The following CDH13 variants were observed in gnomAD, a reference collection of about 807,000 sequenced individuals.
The protein encoded by CDH13 is cadherin-13.
A neutral mutation model predicts 63.8 loss-of-function variants in CDH13; 24 were observed. That is an observed-to-expected ratio of 0.38 (90% CI 0.27 to 0.53). CDH13 has a LOEUF of 0.53. CDH13 is among the 20% of genes least tolerant of loss of function. The pLI, the probability that CDH13 is intolerant of heterozygous loss-of-function variation, is 0.85. For missense variants in CDH13, 1,049 were observed against 903.1 expected, an observed-to-expected ratio of 1.16 and a Z score of -2.07; for synonymous variants, 503 against 355.3, an observed-to-expected ratio of 1.42 and a Z score of -4.67.
rs1188580603 is a variant in CDH13, at chr16:83,047,694, A to T, written c.366+15476A>T. Among the ~76,000 whole-genome samples, 1 of 152,246 alleles carries T rather than the reference A, an allele frequency of 6.6e-6. No homozygotes were observed. The highest frequency in any genetic ancestry group is 2.4e-5 in the African/African-American group (1 of 41,470). ...ACTTACAATATCTGGCTGTGAATAA[A>T]TAATTTCTTAATGACTTAGCAAATG... On this transcript the variant is annotated intron_variant, in intron 3 of 13. Coordinates refer to ENST00000567109, the MANE Select transcript of CDH13 (RefSeq NM_001257.5). The surrounding 1 kb of genome is among the most constrained non-coding windows in gnomAD (Gnocchi z 4.9).
intron 2 of CDH13, among the ~76,000 whole-genome samples, chr16:82,913,337 CA>C (rs2041891426): frequency 6.6e-6 from 1 of 152,142 alleles, no homozygotes; most frequent in Non-Finnish European, 1.5e-5. Flanking sequence ...CAGGGATGTC[CA>C]TTCCCACAGG....
At chr16:83,250,733 G>A (rs10514585) in intron 5 of CDH13, among the ~76,000 whole-genome samples, 39,439 of 152,042 alleles carry the variant, frequency 0.26, 5,252 homozygotes, top group East Asian at 0.38. Flanking sequence ...GAGTCTCAGA[G>A]GTTATGAGTT....
At chr16:83,450,302 C>T (rs893029550) in intron 6 of CDH13, among the ~76,000 whole-genome samples, 4 of 152,180 alleles carry the variant, frequency 2.6e-5, no homozygotes, top group Non-Finnish European at 5.9e-5. Context: ...GTGTGGAGTG[C>T]AGCTTGTTCT....
At chr16:83,604,575 T>C (rs1908150786) in intron 8 of CDH13, among the ~76,000 whole-genome samples, 1 of 152,218 alleles carries the variant, frequency 6.6e-6, no homozygotes, top group African/African-American at 2.4e-5. Flanking sequence ...GTATGGTCTG[T>C]GGGGTTTCTC....
chr16:83,545,788 T>C lies in CDH13; in HGVS notation c.961-56666T>C, dbSNP rs138896997. On this transcript the variant is annotated intron_variant, in intron 7 of 13. Coordinates refer to ENST00000567109, the MANE Select transcript of CDH13 (RefSeq NM_001257.5). ...TATCTGCCAGGCTAAGTCCAACTCC[T>C]ACTTCAAGACCGCATTCAAATAATG... Among the ~76,000 whole-genome samples, 484 of 152,310 alleles carry C rather than the reference T, an allele frequency of 3.2e-3. 7 individuals carry two copies. The highest frequency in any genetic ancestry group is 0.011 in the African/African-American group (451 of 41,576).
intron 5 of CDH13, among the ~76,000 whole-genome samples, chr16:83,339,791 TC>T (rs2090682007): frequency 6.6e-6 from 1 of 152,168 alleles, no homozygotes; most frequent in African/African-American, 2.4e-5. Flanking sequence ...AGCCAAGCTT[TC>T]CACCGTGTGA....
chr16:83,082,303 C>T (rs1337233635), intron 3 of CDH13, among the ~76,000 whole-genome samples: 1 of 152,134 alleles, frequency 6.6e-6, no homozygotes, highest in African/African-American at 2.4e-5. Flanking sequence ...GTTCCAGCAT[C>T]AATTGTCAAA....
chr16:82,994,518 C>T (rs998318345), intron 2 of CDH13, among the ~76,000 whole-genome samples: 2 of 152,218 alleles, frequency 1.3e-5, no homozygotes, highest in Non-Finnish European at 2.9e-5. Flanking sequence ...AACCTTTACT[C>T]AGCTAATGGC....
chr16:82,892,850 G>T (rs1333868556), intron 2 of CDH13, among the ~76,000 whole-genome samples: 1 of 151,936 alleles, frequency 6.6e-6, no homozygotes, highest in African/African-American at 2.4e-5. Context: ...TAGAATGTTG[G>T]CATTTTACAG....
At chr16:83,672,688 G>T (rs554802651) in intron 9 of CDH13, among the ~76,000 whole-genome samples, 23 of 152,174 alleles carry the variant, frequency 1.5e-4, no homozygotes, top group Admixed American at 1.4e-3. Flanking sequence ...GCCTCCCAAA[G>T]TGCTGGGATT....
At chr16:83,634,117 C>CTGTG (rs1491184759) in intron 8 of CDH13, among the ~76,000 whole-genome samples, 20,159 of 76,750 alleles carry the variant, frequency 0.26, 1,473 homozygotes, top group African/African-American at 0.29. Flanking sequence ...TGTGTGTTTT[C>CTGTG]TGTGTGTGTG....
chr16:82,848,430 T>C (rs2039352956), intron 1 of CDH13, among the ~76,000 whole-genome samples: 1 of 152,240 alleles, frequency 6.6e-6, no homozygotes, highest in African/African-American at 2.4e-5. Flanking sequence ...TTATGGGTGC[T>C]GTTTTTCCAA....
chr16:82,723,949 T>C (rs577014122), intron 1 of CDH13, among the ~76,000 whole-genome samples: 8 of 152,230 alleles, frequency 5.3e-5, no homozygotes, highest in African/African-American at 1.7e-4. Flanking sequence ...ACAGATGATG[T>C]TGGGGGCAAT....
intron 7 of CDH13, among the ~76,000 whole-genome samples, chr16:83,493,987 G>A (rs7195409): frequency 0.68 from 103,163 of 152,030 alleles, 36,074 homozygotes; most frequent in East Asian, 0.88. Context: ...ACCTCAGTCC[G>A]TAGGTATTTT....
intron 4 of CDH13, among the ~76,000 whole-genome samples, chr16:83,148,650 A>G (rs544620553): frequency 3.0e-4 from 46 of 152,352 alleles, no homozygotes; most frequent in African/African-American, 1.0e-3. Flanking sequence ...CTCTCGCACC[A>G]TATTAACTAT....
intron 4 of CDH13, among the ~76,000 whole-genome samples, chr16:83,165,315 G>C (rs1294326422): frequency 6.6e-6 from 1 of 152,086 alleles, no homozygotes; most frequent in African/African-American, 2.4e-5. Flanking sequence ...TGCCTGTCTT[G>C]AAGATTCAAA....
chr16:83,115,433 G>C (rs1178897945), intron 3 of CDH13, among the ~76,000 whole-genome samples: 4 of 152,222 alleles, frequency 2.6e-5, no homozygotes, highest in Non-Finnish European at 5.9e-5. Context: ...GGTTATAAAG[G>C]TTAGAAGGAA....
chr16:82,790,757 A>C (rs953043083), intron 1 of CDH13, among the ~76,000 whole-genome samples: 9 of 152,164 alleles, frequency 5.9e-5, no homozygotes, highest in Admixed American at 5.9e-4. Context: ...CAGGAAGGAG[A>C]GTGCCAAGGG....
At position 83,443,646 on chromosome 16, in the gene CDH13, G is replaced by A. The variant is rs2072550942; in HGVS notation, c.782-42831G>A. ...AGCACTTAGGCAGGCTGAGGCAGGA[G>A]GACCACTTGAGCCTGGGAATTTGAG... is the stretch of plus-strand genomic sequence containing the variant. On this transcript the variant is annotated intron_variant, in intron 6 of 13. Coordinates refer to ENST00000567109, the MANE Select transcript of CDH13 (RefSeq NM_001257.5). Among the ~76,000 whole-genome samples, 4 of 148,750 alleles carry A rather than the reference G, an allele frequency of 2.7e-5. No individual in the cohort carries two copies. The South Asian group carries it at 6.4e-4, about 24-fold the overall frequency.
Sources: allele counts gnomAD v4.1 joint callset (sites outside exome capture counted in the v4.1 genomes callset), GRCh38; gene constraint gnomAD v4.1.1; non-coding constraint Gnocchi (gnomAD v3.1); transcripts MANE v1.5; gene names NCBI Gene and HGNC (gene_info 2026-07-23, HGNC 2026-07-21).